RPS6KC1: variants seen among roughly 807,000 people sequenced by gnomAD.
The protein encoded by RPS6KC1 is inactive ribosomal protein S6 kinase delta-1.
RPS6KC1 carries 54 observed loss-of-function variants against 103.8 expected under a neutral mutation model. That is an observed-to-expected ratio of 0.52 (90% confidence interval 0.42 to 0.65). The LOEUF is 0.65. Among genes scored for constraint, RPS6KC1 ranks in the 30% least tolerant of loss-of-function variants. The pLI is 0.00. For missense variants in RPS6KC1, 1,151 were observed against 1,253.8 expected (o/e 0.92, Z 1.24); for synonymous variants, 439 against 438.7 (o/e 1.00, Z -0.01).
chr1:213,391,053 C>T, the RPS6KC1 span, among the ~76,000 whole-genome samples: 1 of 152,070 alleles, frequency 6.6e-6, no homozygotes, highest in African/African-American at 2.4e-5. Context: ...CAAGCTTATA[C>T]TCACCTCCTG....
chr1:213,131,404 C>T (rs1318426902), intron 6 of RPS6KC1, among the ~76,000 whole-genome samples: 16 of 150,924 alleles, frequency 1.1e-4, no homozygotes, highest in Admixed American at 1.1e-3. Flanking sequence ...ATGGAAAGAT[C>T]ATTTTCACCC....
At chr1:213,631,836 T>C in the RPS6KC1 span, among the ~76,000 whole-genome samples, 2 of 152,182 alleles carry the variant, frequency 1.3e-5, no homozygotes, top group African/African-American at 2.4e-5. Flanking sequence ...ATTTTAAAAG[T>C]ATTACACAGT....
chr1:213,731,666 A>G, the RPS6KC1 span: 1 of 152,218 alleles, frequency 6.6e-6, no homozygotes, highest in Non-Finnish European at 1.5e-5. Flanking sequence ...AATTATATGA[A>G]CATATTAAAT....
the RPS6KC1 span, among the ~76,000 whole-genome samples, chr1:213,483,424 G>A: frequency 6.6e-6 from 1 of 152,116 alleles, no homozygotes; most frequent in Non-Finnish European, 1.5e-5. Context: ...ACCACTTAAT[G>A]GACATCCCCC....
intron 1 of RPS6KC1, among the ~76,000 whole-genome samples, chr1:213,070,407 GT>G (rs994824201): frequency 1.3e-5 from 2 of 152,208 alleles, no homozygotes; most frequent in African/African-American, 4.8e-5. Context: ...ACTTTTAGCT[GT>G]TTTTTTGCTT....
rs141996206 is a variant in RPS6KC1 at position 213,193,518 on chromosome 1, A to G, written c.1044+17026A>G. Among the ~76,000 whole-genome samples the G allele has an allele frequency of 3.2e-3, 480 of 151,994 alleles. 4 individuals are homozygous for G. Among genetic ancestry groups the G allele is most frequent in the African/African-American group, 0.011 (457 of 41,484 alleles). ...CTCAAGTGATCCACCCGCCTTGGCC[A>G]CCCAAAGTGCTGGGCTTACAGACGT... On this transcript the variant is annotated intron_variant, in intron 8 of 14. Transcript: ENST00000366960.
the RPS6KC1 span, among the ~76,000 whole-genome samples, chr1:213,697,528 T>C: frequency 4.6e-5 from 7 of 152,356 alleles, no homozygotes; most frequent in African/African-American, 7.2e-5. Flanking sequence ...AACTTCCATG[T>C]ACTTCAGATT....
the RPS6KC1 span, among the ~76,000 whole-genome samples, chr1:213,765,850 T>C: frequency 6.6e-6 from 1 of 152,210 alleles, no homozygotes; most frequent in Admixed American, 6.5e-5. Context: ...TATAATATCA[T>C]TTTGTGGTTT....
At chr1:213,431,645 GTTTGTGTGTA>G in the RPS6KC1 span, among the ~76,000 whole-genome samples, 3,014 of 136,328 alleles carry the variant, frequency 0.022, 31 homozygotes, top group East Asian at 0.057. Context: ...GTATTCCATT[GTTTGTGTGTA>G]TGTGTGTGTG....
chr1:213,835,708 A>T, the RPS6KC1 span: 1 of 152,196 alleles, frequency 6.6e-6, no homozygotes, highest in African/African-American at 2.4e-5. Context: ...CATTATTTTC[A>T]CATAGATATT....
chr1:213,830,951 C>A, the RPS6KC1 span, among the ~76,000 whole-genome samples: 1 of 152,150 alleles, frequency 6.6e-6, no homozygotes, highest in Non-Finnish European at 1.5e-5. Context: ...TTGCTCTGGG[C>A]AGCTCAAAGA....
the RPS6KC1 span, among the ~76,000 whole-genome samples, chr1:213,796,455 G>A: frequency 7.3e-3 from 1,106 of 152,226 alleles, 15 homozygotes; most frequent in African/African-American, 0.026. Context: ...GAGGCGTTTT[G>A]TATTCATCAG....
chr1:213,232,899 G>A (rs761513307), intron 10 of RPS6KC1, among the ~76,000 whole-genome samples: 6 of 152,066 alleles, frequency 3.9e-5, no homozygotes, highest in South Asian at 2.1e-4. Flanking sequence ...TTTTATTTAG[G>A]ATGACTGAAA....
the RPS6KC1 span, among the ~76,000 whole-genome samples, chr1:213,795,782 C>T: frequency 6.6e-6 from 1 of 152,082 alleles, no homozygotes; most frequent in African/African-American, 2.4e-5. Context: ...TTTTTCTCTT[C>T]TTACTCTTGT....
At chr1:213,497,804 G>A in the RPS6KC1 span, among the ~76,000 whole-genome samples, 2 of 151,994 alleles carry the variant, frequency 1.3e-5, no homozygotes, top group African/African-American at 4.8e-5. Flanking sequence ...CCAAATATTT[G>A]TTAAGACTTG....
At chr1:213,695,366 T>C in the RPS6KC1 span, among the ~76,000 whole-genome samples, 6 of 152,078 alleles carry the variant, frequency 3.9e-5, no homozygotes, top group African/African-American at 1.4e-4. Context: ...CAGATGCGAG[T>C]AGGTACAATA....
chr1:213,842,702 T>C, the RPS6KC1 span, among the ~76,000 whole-genome samples: 4 of 152,238 alleles, frequency 2.6e-5, no homozygotes, highest in East Asian at 7.7e-4. Flanking sequence ...GATTGAGCAA[T>C]AAAAATAATG....
chr1:213,638,273 T>C, the RPS6KC1 span, among the ~76,000 whole-genome samples: 1 of 152,148 alleles, frequency 6.6e-6, no homozygotes, highest in Non-Finnish European at 1.5e-5. Flanking sequence ...GAAAATTCTT[T>C]AAATGTTTTG....
intron 1 of RPS6KC1, among the ~76,000 whole-genome samples, chr1:213,055,867 TAATTCTCAGGATACAGTCTTGC>T (rs1304739485): frequency 1.3e-5 from 2 of 152,234 alleles, no homozygotes; most frequent in East Asian, 3.8e-4. Flanking sequence ...CAGTGCTTTG[TAATTCTCAGGATACAGTCTTGC>T]ACATGTTTAT....
Sources: gnomAD v4.1 joint callset for allele counts (sites outside exome capture counted in the v4.1 genomes callset) on GRCh38, gnomAD v4.1.1 for gene constraint, MANE v1.5 for transcripts, NCBI Gene and HGNC (gene_info 2026-07-23, HGNC 2026-07-21) for gene names.